The following FGF12 variants were observed in gnomAD, a reference collection of about 807,000 sequenced individuals.
The protein encoded by FGF12 is fibroblast growth factor 12B.
Under a neutral mutation model 23.6 loss-of-function variants are expected in FGF12, and 14 were observed. The ratio of observed to expected loss-of-function variants is 0.59; its 90% CI spans 0.39 to 0.93. The LOEUF is 0.93. FGF12 is among the 40% of genes least tolerant of loss of function. FGF12 has a pLI of 0.00. For synonymous variants in FGF12, 62 were observed against 77.3 expected (o/e 0.80, Z 1.04); for missense variants, 175 against 217.8 (o/e 0.80, Z 1.24).
intron 2 of FGF12, among the ~76,000 whole-genome samples, chr3:192,670,656 T>C (rs1717076536): frequency 6.6e-6 from 1 of 152,216 alleles, no homozygotes; most frequent in South Asian, 2.1e-4. Context: ...GTTCTTGGTT[T>C]GTTGATTGCA....
intron 3 of FGF12, among the ~76,000 whole-genome samples, chr3:192,351,187 G>A (rs1297938215): frequency 1.3e-5 from 2 of 152,080 alleles, no homozygotes; most frequent in Non-Finnish European, 2.9e-5. Context: ...TTGTAGGCTT[G>A]CAAAATTTCA....
intron 2 of FGF12, among the ~76,000 whole-genome samples, chr3:192,476,559 T>C (rs1723332698): frequency 6.6e-6 from 1 of 152,194 alleles, no homozygotes; most frequent in South Asian, 2.1e-4. Flanking sequence ...GTTTATTTTG[T>C]TGGTATTAAT....
chr3:192,210,975 T>G (rs1717900643), intron 4 of FGF12, among the ~76,000 whole-genome samples: 1 of 152,198 alleles, frequency 6.6e-6, no homozygotes, highest in African/African-American at 2.4e-5. Flanking sequence ...TAAGCCATTG[T>G]GAAAACAGGA....
rs536569960 is a variant in FGF12, at chr3:192,464,430, C to T, written c.14-103892G>A. 5.3e-5 allele frequency among the ~76,000 whole-genome samples: 8 copies of T among 151,900 alleles called. No individual in the cohort carries two copies. In the South Asian group the frequency reaches 1.7e-3, roughly 32 times the overall value. On this transcript the variant is annotated intron_variant, in intron 2 of 5. Coordinates refer to ENST00000445105, the MANE Select transcript of FGF12 (RefSeq NM_004113.6). Reference sequence around the variant, plus strand: ...GAGTTACCTCACTTAGAATAGCGGTCTCCATCTCCATCCAAGTTGCTGTGA... The same window carrying T: ...GAGTTACCTCACTTAGAATAGCGGTTTCCATCTCCATCCAAGTTGCTGTGA...
intron 3 of FGF12, among the ~76,000 whole-genome samples, chr3:192,346,249 A>T (rs970236687): frequency 6.6e-6 from 1 of 152,090 alleles, no homozygotes; most frequent in Admixed American, 6.6e-5. Flanking sequence ...CAGTTAAGAC[A>T]CTCTAAAATA....
intron 2 of FGF12, among the ~76,000 whole-genome samples, chr3:192,631,625 G>C (rs1226599750): frequency 6.6e-6 from 1 of 152,122 alleles, no homozygotes; most frequent in Non-Finnish European, 1.5e-5. Context: ...AAAATGGCAT[G>C]CCACTTCACA....
chr3:192,182,658 C>G (rs985378205), intron 4 of FGF12, among the ~76,000 whole-genome samples: 3 of 152,148 alleles, frequency 2.0e-5, no homozygotes, highest in Non-Finnish European at 4.4e-5. Context: ...GACCTCAGTA[C>G]AAGGGATATA....
At chr3:192,568,120 C>G (rs1052229702) in intron 2 of FGF12, among the ~76,000 whole-genome samples, 1 of 152,008 alleles carries the variant, frequency 6.6e-6, no homozygotes, top group African/African-American at 2.4e-5. Flanking sequence ...GGTGTGAGCA[C>G]CATGCCCCGC....
intron 2 of FGF12, among the ~76,000 whole-genome samples, chr3:192,416,272 G>A (rs142322616): frequency 6.6e-6 from 1 of 152,182 alleles, no homozygotes; most frequent in African/African-American, 2.4e-5. Flanking sequence ...TTTGGACAAG[G>A]TGACCAATAG....
At chr3:192,251,434 A>G (rs1027861480) in intron 4 of FGF12, among the ~76,000 whole-genome samples, 3 of 152,174 alleles carry the variant, frequency 2.0e-5, no homozygotes, top group South Asian at 2.1e-4. Context: ...GTTTGACACT[A>G]TCTACTAAAG....
intron 4 of FGF12, among the ~76,000 whole-genome samples, chr3:192,303,585 A>C (rs1715460688): frequency 6.6e-6 from 1 of 152,168 alleles, no homozygotes. Context: ...GGACTATTAG[A>C]ATTTCAACAG....
chr3:192,415,719 TTC>T (rs554440615), intron 2 of FGF12, among the ~76,000 whole-genome samples: 102 of 69,096 alleles, frequency 1.5e-3, no homozygotes, highest in African/African-American at 2.1e-3. Context: ...GATACTTCTC[TTC>T]TCTCTCTCTC....
chr3:192,284,344 T>G (rs1714323242), intron 4 of FGF12, among the ~76,000 whole-genome samples: 2 of 152,104 alleles, frequency 1.3e-5, no homozygotes, highest in African/African-American at 4.8e-5. Flanking sequence ...TAAATCTGGT[T>G]AATATAATTC....
chr3:192,302,482 T>G (rs77220025), intron 4 of FGF12, among the ~76,000 whole-genome samples: 7 of 150,948 alleles, frequency 4.6e-5, no homozygotes, highest in African/African-American at 1.7e-4. Context: ...GACTAATATA[T>G]CATAATGTGC....
intron 4 of FGF12, among the ~76,000 whole-genome samples, chr3:192,195,960 C>T (rs980900797): frequency 2.0e-5 from 3 of 152,194 alleles, no homozygotes; most frequent in Admixed American, 2.0e-4. Flanking sequence ...TTGAACTTAA[C>T]TCCTCCCATC....
At chr3:192,623,691 G>A (rs991119599) in intron 2 of FGF12, among the ~76,000 whole-genome samples, 1 of 152,166 alleles carries the variant, frequency 6.6e-6, no homozygotes, top group African/African-American at 2.4e-5. Flanking sequence ...GAACATAAAC[G>A]AGTCACTGCA....
chr3:192,234,824 T>A (rs749179742), intron 4 of FGF12, among the ~76,000 whole-genome samples: 2 of 152,194 alleles, frequency 1.3e-5, no homozygotes, highest in Non-Finnish European at 2.9e-5. Context: ...TTTAGCTCTG[T>A]TTATGTGATG....
intron 4 of FGF12, among the ~76,000 whole-genome samples, chr3:192,220,231 A>G (rs1246131556): frequency 6.6e-6 from 1 of 152,162 alleles, no homozygotes; most frequent in Non-Finnish European, 1.5e-5. Context: ...GTGACTTGCC[A>G]TTGAATATAT....
chr3:192,200,194 C>G (rs1359396461), intron 4 of FGF12, among the ~76,000 whole-genome samples: 34 of 151,356 alleles, frequency 2.2e-4, no homozygotes, highest in Admixed American at 2.2e-3. Context: ...CCGGGTGTGG[C>G]TGCGTGCTCC....
Sources: gnomAD v4.1 joint callset for allele counts (sites outside exome capture counted in the v4.1 genomes callset) on GRCh38, gnomAD v4.1.1 for gene constraint, MANE v1.5 for transcripts, NCBI Gene and HGNC (gene_info 2026-07-23, HGNC 2026-07-21) for gene names.